VPS53: variants seen among roughly 807,000 people sequenced by gnomAD.
VPS53 encodes the protein VPS53 subunit of GARP complex, also known as vacuolar protein sorting-associated protein 53 homolog.
Under a neutral mutation model 107.0 loss-of-function variants are expected in VPS53, and 70 were observed. The observed-to-expected ratio is 0.65, with a 90% confidence interval of 0.54 to 0.80. The LOEUF is 0.80. VPS53 is among the 30% of genes least tolerant of loss of function. The pLI is 0.00. For missense variants in VPS53, 917 were observed against 1,049.4 expected (o/e 0.87, Z 1.74); for synonymous variants, 409 against 393.3 (o/e 1.04, Z -0.47).
At chr17:597,577 C>T (rs1968034875) in intron 12 of VPS53, among the ~76,000 whole-genome samples, 1 of 152,192 alleles carries the variant, frequency 6.6e-6, no homozygotes, top group Admixed American at 6.5e-5. Context: ...GAGTCTCACT[C>T]TGTCACCCAG....
chr17:579,649 C>T (rs1224370642), intron 13 of VPS53, among the ~76,000 whole-genome samples: 1 of 151,792 alleles, frequency 6.6e-6, no homozygotes, highest in Non-Finnish European at 1.5e-5. Context: ...CCCTCAGAAC[C>T]TAATTCCTTC....
At chr17:535,213 T>C (rs999339238) in intron 18 of VPS53, among the ~76,000 whole-genome samples, 1 of 152,160 alleles carries the variant, frequency 6.6e-6, no homozygotes, top group African/African-American at 2.4e-5. Flanking sequence ...GCTGAATGAT[T>C]ACAGATGTGA....
At chr17:624,268 G>C (rs896268957) in intron 10 of VPS53, among the ~76,000 whole-genome samples, 2 of 152,098 alleles carry the variant, frequency 1.3e-5, no homozygotes, top group African/African-American at 4.8e-5. Context: ...AATTTCACAA[G>C]TCATTAATTA....
Position 608,972 on chromosome 17 carries a change from TA to T in VPS53, c.1117-7077del, listed in dbSNP as rs1296750883. 5.9e-5 allele frequency among the ~76,000 whole-genome samples: 9 copies of T among 152,132 alleles called. 1 individual carries two copies. Among genetic ancestry groups the T allele is most frequent in the Admixed American group, 1.3e-4 (2 of 15,264 alleles). ...CTGAAGAGTAAAGATGATTTATAACTAAACTCATACACTATCTTCTAAAGCC... is the reference window on the plus strand; with the variant it reads ...CTGAAGAGTAAAGATGATTTATAACTAACTCATACACTATCTTCTAAAGCC... On this transcript the variant is annotated intron_variant, in intron 11 of 21. Coordinates refer to ENST00000437048, the MANE Select transcript of VPS53 (RefSeq NM_001128159.3).
At chr17:671,213 AGAGT>A (rs1212778352) in intron 4 of VPS53, among the ~76,000 whole-genome samples, 3 of 146,158 alleles carry the variant, frequency 2.1e-5, no homozygotes, top group Non-Finnish European at 3.0e-5. Flanking sequence ...CCTGGGCAAC[AGAGT>A]GAGACGGAGA....
At chr17:675,110 C>A (rs1488302638) in intron 4 of VPS53, 1 of 152,164 alleles carries the variant, frequency 6.6e-6, no homozygotes, top group Non-Finnish European at 1.5e-5. Flanking sequence ...GAATCAAGAA[C>A]AGATCAGCCT....
chr17:612,807 T>G (rs551005004), intron 11 of VPS53, among the ~76,000 whole-genome samples: 1 of 147,250 alleles, frequency 6.8e-6, no homozygotes, highest in Admixed American at 6.7e-5. Context: ...AATATTCACA[T>G]AGTGAGTTCA....
At chr17:713,639 G>T (rs373762988) in intron 1 of VPS53, among the ~76,000 whole-genome samples, 5 of 151,642 alleles carry the variant, frequency 3.3e-5, no homozygotes, top group African/African-American at 1.2e-4. Flanking sequence ...GCGAAAGAGC[G>T]AGACTCCGTC....
intron 4 of VPS53, among the ~76,000 whole-genome samples, chr17:669,784 C>A (rs1319026693): frequency 6.6e-6 from 1 of 150,602 alleles, no homozygotes; most frequent in Non-Finnish European, 1.5e-5. Flanking sequence ...CCCAGCTACT[C>A]GGGAGGCTGA....
chr17:533,525 A>C (rs1246308933), intron 18 of VPS53, among the ~76,000 whole-genome samples: 1 of 152,174 alleles, frequency 6.6e-6, no homozygotes, highest in Non-Finnish European at 1.5e-5. Flanking sequence ...TTTAATGCCT[A>C]CACTGCTCCC....
chr17:601,909 T>C lies in VPS53; in HGVS notation c.1117-13A>G. ...ACTCAAGCTTTTTCTGTTAGGTAGATATGAGAAAGAGAAGTGTTTTCTGAG... is the reference window on the plus strand; with the variant it reads ...ACTCAAGCTTTTTCTGTTAGGTAGACATGAGAAAGAGAAGTGTTTTCTGAG... On this transcript the variant is annotated splice_polypyrimidine_tract_variant and intron_variant, in intron 11 of 21. Coordinates refer to ENST00000437048, the MANE Select transcript of VPS53 (RefSeq NM_001128159.3). The C allele has an allele frequency of 6.4e-7, 1 of 1,558,496 alleles. No individual in the cohort carries two copies. Among genetic ancestry groups the C allele is most frequent in the East Asian group, 2.3e-5 (1 of 42,606 alleles).
rs1395114029 is a variant in VPS53, at chr17:560,452, C to G, written c.1678G>C (p.Glu560Gln). Residue 560 changes from glutamate (E) to glutamine (Q), a missense_variant, in exon 15 of 22, where the codon GAG becomes CAG. Coordinates refer to ENST00000437048, the MANE Select transcript of VPS53 (RefSeq NM_001128159.3). ...CLICNILSTA[E>Q]YCLATTQQLE... is the part of the protein sequence containing the mutation. ...TGCTGGGTGGTGGCCAGACAGTACT[C>G]TGCCGTGCTCAGGATGTTACAGATG... 6.2e-7 allele frequency: 1 copy of G among 1,612,438 alleles called. No individual in the cohort carries two copies. Among genetic ancestry groups the G allele is most frequent in the African/African-American group, 1.3e-5 (1 of 74,902 alleles).
intron 1 of VPS53, among the ~76,000 whole-genome samples, chr17:711,590 G>C (rs542995905): frequency 3.3e-5 from 5 of 152,244 alleles, no homozygotes; most frequent in African/African-American, 1.2e-4. Context: ...ATAACCCACA[G>C]AGAGCAGGAT....
At chr17:584,317 G>A (rs532932364) in intron 13 of VPS53, among the ~76,000 whole-genome samples, 2 of 152,302 alleles carry the variant, frequency 1.3e-5, no homozygotes, top group South Asian at 2.1e-4. Context: ...AGGACGCAGG[G>A]ATGAGGAGGA....
At chr17:574,531 G>T (rs1567639864) in intron 13 of VPS53, among the ~76,000 whole-genome samples, 1 of 152,150 alleles carries the variant, frequency 6.6e-6, no homozygotes, top group East Asian at 1.9e-4. Flanking sequence ...TTGGGAGGTG[G>T]AGGTGGGCTG....
chr17:546,304 A>C (rs377520846), intron 17 of VPS53, among the ~76,000 whole-genome samples: 6 of 149,306 alleles, frequency 4.0e-5, no homozygotes, highest in East Asian at 2.0e-4. Context: ...ATGATTCTGG[A>C]TCAGGCAATG....
chr17:549,938 T>C (rs1462506643), intron 17 of VPS53, among the ~76,000 whole-genome samples: 1 of 152,254 alleles, frequency 6.6e-6, no homozygotes, highest in Non-Finnish European at 1.5e-5. Context: ...GCCTACATTT[T>C]GGTTTTAATC....
chr17:634,703 T>C (rs1464399084), intron 7 of VPS53, among the ~76,000 whole-genome samples: 2 of 152,104 alleles, frequency 1.3e-5, no homozygotes, highest in East Asian at 1.9e-4. Context: ...GCTTCATCTG[T>C]GTCCCTAAAA....
rs1353787136 is a variant in VPS53 at position 519,431 on chromosome 17, C to T, written c.2329-133G>A. The T allele has an allele frequency of 7.3e-6, 7 of 954,628 alleles. No homozygotes were observed. The highest frequency in any genetic ancestry group is 2.1e-5 in the South Asian group (1 of 48,128). The allele number at this position is 954,628 out of a possible 1,614,324, so 59.1% of individuals were successfully genotyped here. The stretch of plus-strand genomic sequence containing the variant: ...TAGTTACTCCAGGCTGAGGATGAAC[C>T]GTTTCCTCAAGGGACTCACCATCCC... On this transcript the variant is annotated intron_variant, in intron 21 of 21. Coordinates refer to ENST00000437048, the MANE Select transcript of VPS53 (RefSeq NM_001128159.3). The surrounding 1 kb of genome is among the most constrained non-coding windows in gnomAD (Gnocchi z 5.0).
Sources: allele counts gnomAD v4.1 joint callset (sites outside exome capture counted in the v4.1 genomes callset), GRCh38; gene constraint gnomAD v4.1.1; non-coding constraint Gnocchi (gnomAD v3.1); transcripts MANE v1.5; gene names NCBI Gene and HGNC (gene_info 2026-07-23, HGNC 2026-07-21).